Variants in ANKRD28 observed in about 807,000 individuals in gnomAD.
The protein encoded by ANKRD28 is serine/threonine-protein phosphatase 6 regulatory ankyrin repeat subunit A.
ANKRD28 carries 44 observed loss-of-function variants against 126.5 expected under a neutral mutation model. The observed-to-expected ratio is 0.35, with a 90% CI of 0.27 to 0.45. The LOEUF (loss-of-function observed/expected upper bound fraction) is 0.45, where lower values mean the gene tolerates loss of function less well. Ranked by LOEUF, ANKRD28 falls within the 20% of genes least tolerant of loss-of-function variation. ANKRD28 has a pLI of 1.00. For synonymous variants in ANKRD28, 442 were observed against 468.5 expected (o/e 0.94, Z 0.73); for missense variants, 1,110 against 1,316.6 (o/e 0.84, Z 2.43).
chr3:15,775,192 G>A (rs545123453), intron 2 of ANKRD28, among the ~76,000 whole-genome samples: 2 of 152,190 alleles, frequency 1.3e-5, no homozygotes, highest in South Asian at 2.1e-4. Context: ...GATTTAACAG[G>A]TACTTCATAA....
chr3:15,735,238 G>A lies in ANKRD28; in HGVS notation c.640+172C>T, dbSNP rs544919748. 2.6e-5 allele frequency among the ~76,000 whole-genome samples: 4 copies of A among 152,174 alleles called. No homozygotes were observed. In the East Asian group the frequency reaches 5.8e-4, roughly 22 times the overall value. ...ACAGCTTTTAGATGAACTGGACCCA[G>A]TGTACTCCAAACCTCCCCCATTACC... is the stretch of plus-strand genomic sequence containing the variant. On this transcript the variant is annotated intron_variant, in intron 6 of 27. Transcript: ENST00000683139.
chr3:15,840,313 A>G (rs757594397), intron 1 of ANKRD28, among the ~76,000 whole-genome samples: 4 of 151,126 alleles, frequency 2.6e-5, no homozygotes. Flanking sequence ...CAAATAAAAT[A>G]CCAGGAATTA....
At chr3:15,789,287 G>T (rs749561680) in intron 2 of ANKRD28, among the ~76,000 whole-genome samples, 1 of 151,982 alleles carries the variant, frequency 6.6e-6, no homozygotes, top group Non-Finnish European at 1.5e-5. Flanking sequence ...TGCTCCAGGG[G>T]ATGAACCAGG....
At chr3:15,716,542 C>T (rs1333333615) in intron 8 of ANKRD28, among the ~76,000 whole-genome samples, 3 of 151,956 alleles carry the variant, frequency 2.0e-5, no homozygotes, top group Non-Finnish European at 1.5e-5. Flanking sequence ...CCTTGGCTTC[C>T]CAAAGTGCTG....
In ANKRD28 at chr3:15,758,697, T is replaced by C. The variant is rs899505747; in HGVS notation, c.281-6877A>G. ...GGAATCAATCCTGACGGCACCTTGA[T>C]CTCAGACTTACAGCCTCCAGAACTT... On this transcript the variant is annotated intron_variant, in intron 3 of 27. Coordinates refer to ENST00000683139, the MANE Select transcript of ANKRD28 (RefSeq NM_001349278.2). Among the ~76,000 whole-genome samples, 4 of 152,320 alleles carry C rather than the reference T, an allele frequency of 2.6e-5. No homozygotes were observed. The East Asian group carries it at 7.7e-4, about 29-fold the overall frequency.
chr3:15,706,489 T>C (rs1015274324), intron 14 of ANKRD28, among the ~76,000 whole-genome samples: 8 of 152,230 alleles, frequency 5.3e-5, no homozygotes, highest in South Asian at 2.1e-4. Context: ...CAGTCTATCA[T>C]TGATGGACAT....
At position 15,850,211 on chromosome 3, in the gene ANKRD28, A is replaced by ATG. The variant is rs1301386838; in HGVS notation, c.27+9165_27+9166insCA. On this transcript the variant is annotated intron_variant, in intron 1 of 27. Coordinates refer to the ANKRD28 transcript ENST00000399451. ...GCAATAAAAAAAAAAAAAAATATAT[A>ATG]TATATATATATATAGAGAGAGAGAG... Among the ~76,000 whole-genome samples, 33 of 74,952 alleles carry ATG rather than the reference A, an allele frequency of 4.4e-4. 1 individual carries two copies. Among genetic ancestry groups the ATG allele is most frequent in the Non-Finnish European group, 8.1e-4 (29 of 35,614 alleles). 49.2% of individuals were successfully genotyped at this position (74,952 alleles called of 152,430 possible). A position where few individuals can be genotyped will look rare whatever the true frequency, so the allele number is the denominator to read the frequency against.
intron 2 of ANKRD28, among the ~76,000 whole-genome samples, chr3:15,767,671 T>C (rs1174725501): frequency 8.8e-6 from 1 of 113,162 alleles, no homozygotes; most frequent in African/African-American, 3.4e-5. Flanking sequence ...GAGACCATCC[T>C]GGCTAACACA....
chr3:15,760,748 T>C (rs926464824), intron 3 of ANKRD28, among the ~76,000 whole-genome samples: 1 of 152,122 alleles, frequency 6.6e-6, no homozygotes, highest in Non-Finnish European at 1.5e-5. Context: ...CTATTAAAGA[T>C]AAAAACCTAG....
At chr3:15,829,246 A>T (rs1302154356) in intron 1 of ANKRD28, among the ~76,000 whole-genome samples, 2 of 152,140 alleles carry the variant, frequency 1.3e-5, no homozygotes, top group South Asian at 2.1e-4. Context: ...TTATTTTTTT[A>T]AAAAATTAAG....
intron 2 of ANKRD28, among the ~76,000 whole-genome samples, chr3:15,776,288 T>C (rs758321704): frequency 2.0e-5 from 3 of 152,212 alleles, no homozygotes; most frequent in Non-Finnish European, 2.9e-5. Flanking sequence ...ATTTATACTA[T>C]AGAAATGCAC....
chr3:15,720,922 T>A lies in ANKRD28; in HGVS notation c.989A>T (p.Asn330Ile), dbSNP rs1416368294. ...TCTGATTTTGTTCCTTACCTTCATATTGACATCGGCCCCATTGCCAACTAG... is the reference window on the plus strand; with the variant it reads ...TCTGATTTTGTTCCTTACCTTCATAATGACATCGGCCCCATTGCCAACTAG... ...ELLVGNGADVNMKSKDGKTPL... is the reference protein window; with the variant it reads ...ELLVGNGADVIMKSKDGKTPL... Residue 330 changes from asparagine (N) to isoleucine (I), a missense_variant, in exon 8 of 28, where the codon AAT becomes ATT. Coordinates refer to ENST00000683139, the MANE Select transcript of ANKRD28 (RefSeq NM_001349278.2). 1 of 1,613,006 alleles carries A rather than the reference T, an allele frequency of 6.2e-7. No individual in the cohort carries two copies. The highest frequency in any genetic ancestry group is 8.5e-7 in the Non-Finnish European group (1 of 1,179,438).
intron 1 of ANKRD28, among the ~76,000 whole-genome samples, chr3:15,824,590 G>A (rs2061018481): frequency 6.6e-6 from 1 of 152,158 alleles, no homozygotes; most frequent in Non-Finnish European, 1.5e-5. Flanking sequence ...AATTAAGAAA[G>A]CAATTCTATT....
At chr3:15,750,082 T>A (rs2057767016) in intron 4 of ANKRD28, among the ~76,000 whole-genome samples, 1 of 152,250 alleles carries the variant, frequency 6.6e-6, no homozygotes, top group African/African-American at 2.4e-5. Flanking sequence ...ATTAAGTCTC[T>A]GGCAGAATTT....
intron 8 of ANKRD28, among the ~76,000 whole-genome samples, chr3:15,718,644 AGCCCAATCTC>A (rs2073353875): frequency 6.6e-6 from 1 of 151,858 alleles, no homozygotes; most frequent in Non-Finnish European, 1.5e-5. Flanking sequence ...TAAAACAGGA[AGCCCAATCTC>A]TACCTTTTAA....
intron 2 of ANKRD28, among the ~76,000 whole-genome samples, chr3:15,772,904 C>T (rs770208776): frequency 2.6e-5 from 4 of 151,866 alleles, no homozygotes; most frequent in African/African-American, 4.8e-5. Context: ...TTTCTTAATC[C>T]GATAAAGGGT....
chr3:15,711,328 A>G, intron 11 of ANKRD28, 54 bp from the exon 12 acceptor site: 1 of 1,415,410 alleles, frequency 7.1e-7, no homozygotes, highest in South Asian at 1.2e-5. Context: ...TACACTAAAG[A>G]ATTGTGTCAT....
chr3:15,780,407 A>G (rs137866627), intron 2 of ANKRD28, among the ~76,000 whole-genome samples: 39 of 152,298 alleles, frequency 2.6e-4, no homozygotes, highest in African/African-American at 9.4e-4. Flanking sequence ...ACATTAATGA[A>G]AACAAATTGA....
chr3:15,797,463 T>C lies in ANKRD28; in HGVS notation c.-942A>G. The stretch of plus-strand genomic sequence containing the variant: ...AAAGGGCACAGGCACCAGGCAGAAA[T>C]GGTGTTAGTGGAGAATCCTAGTAGA... On this transcript the variant is annotated 5_prime_UTR_variant, in exon 1 of 28. Transcript: ENST00000683139. The C allele has an allele frequency of 3.0e-6, 3 of 984,974 alleles. No homozygotes were observed. Among genetic ancestry groups the C allele is most frequent in the Non-Finnish European group, 3.6e-6 (3 of 829,882 alleles). The allele number at this position is 984,974 out of a possible 1,614,324, so 61.0% of individuals were successfully genotyped here.
Sources: gnomAD v4.1 joint callset for allele counts (sites outside exome capture counted in the v4.1 genomes callset) on GRCh38, gnomAD v4.1.1 for gene constraint, MANE v1.5 for transcripts, NCBI Gene and HGNC (gene_info 2026-07-23, HGNC 2026-07-21) for gene names.